The following LATS2 variants were observed in gnomAD, a reference collection of about 807,000 sequenced individuals.
LATS2 encodes large tumor suppressor kinase 2.
A neutral mutation model predicts 76.0 loss-of-function variants in LATS2; 24 were observed. The observed-to-expected ratio is 0.32, with a 90% confidence interval of 0.23 to 0.44. The LOEUF (loss-of-function observed/expected upper bound fraction) is 0.44. LATS2 is among the 20% of genes least tolerant of loss of function. The pLI, the probability that LATS2 is intolerant of heterozygous loss-of-function variation, is 1.00. For missense variants in LATS2, 1,286 were observed against 1,481.2 expected (o/e 0.87, Z 2.16); for synonymous variants, 692 against 635.4 (o/e 1.09, Z -1.34).
intron 2 of LATS2, chr13:21,022,959 G>C (rs1234774435): frequency 2.6e-5 from 4 of 152,214 alleles, no homozygotes; most frequent in Non-Finnish European, 5.9e-5. Context: ...CCAGCTGGAC[G>C]CTTGGGCAAG....
At chr13:21,025,316 C>T (rs962656398) in intron 2 of LATS2, among the ~76,000 whole-genome samples, 13 of 148,550 alleles carry the variant, frequency 8.8e-5, no homozygotes, top group Admixed American at 8.2e-4. Flanking sequence ...CGCTTGAACC[C>T]GGGAGGCAGA....
chr13:20,990,497 C>T (rs1010457996), intron 3 of LATS2, among the ~76,000 whole-genome samples: 1 of 81,200 alleles, frequency 1.2e-5, no homozygotes, highest in African/African-American at 4.8e-5. Flanking sequence ...TAAATACAGA[C>T]GAGGTCTCCC....
chr13:21,059,133 A>G (rs1873542249), intron 1 of LATS2, among the ~76,000 whole-genome samples: 1 of 152,210 alleles, frequency 6.6e-6, no homozygotes, highest in Admixed American at 6.5e-5. Flanking sequence ...AAATTTCAGT[A>G]TATTTGTTTC....
intron 2 of LATS2, among the ~76,000 whole-genome samples, chr13:21,025,238 A>G (rs1317314969): frequency 1.3e-5 from 2 of 151,556 alleles, no homozygotes; most frequent in African/African-American, 4.8e-5. Context: ...AAAAAAATAC[A>G]AAAATTAGAC....
chr13:21,012,755 C>T (rs1426030970), intron 2 of LATS2, among the ~76,000 whole-genome samples: 1 of 151,034 alleles, frequency 6.6e-6, no homozygotes, highest in Non-Finnish European at 1.5e-5. Flanking sequence ...GGGAGCTGTG[C>T]GAGAAGCTGT....
At chr13:21,007,588 G>T (rs1334131447) in intron 2 of LATS2, among the ~76,000 whole-genome samples, 20 of 3,812 alleles carry the variant, frequency 5.2e-3, no homozygotes, top group Non-Finnish European at 5.6e-3. Context: ...TATATATATA[G>T]TATATATATA....
chr13:20,988,018 C>T lies in LATS2; in HGVS notation c.1762G>A (p.Glu588Lys). The change falls in exon 4 of 8, where the codon GAG becomes AAG. Residue 588 changes from glutamate (E) to lysine (K), a missense_variant. Glu to Lys is a moderately conservative substitution (Grantham distance 56). Transcript: ENST00000382592. ...CTCTTGATGCGTGACTCTCTCTTCT[C>T]TTCGTCTCTGCTGTTTTTGCGGACG... is the stretch of plus-strand genomic sequence containing the variant. Reference protein sequence around the residue: ...VPVRKNSRDEEKRESRIKSYS... With the variant: ...VPVRKNSRDEKKRESRIKSYS... The T allele has an allele frequency of 1.9e-6, 3 of 1,614,266 alleles. No homozygotes were observed. The highest frequency in any genetic ancestry group is 2.5e-6 in the Non-Finnish European group (3 of 1,180,048).
chr13:21,053,086 T>C (rs1873331661), intron 1 of LATS2, among the ~76,000 whole-genome samples: 1 of 151,674 alleles, frequency 6.6e-6, no homozygotes, highest in Non-Finnish European at 1.5e-5. Context: ...TATACAAAAA[T>C]TAGCTGGGTG....
At chr13:20,987,177 A>G (rs1179029546) in intron 4 of LATS2, among the ~76,000 whole-genome samples, 1 of 152,192 alleles carries the variant, frequency 6.6e-6, no homozygotes, top group Non-Finnish European at 1.5e-5. Context: ...CCTGGGTGAC[A>G]GAGCAAGACT....
chr13:21,046,558 C>T (rs1331067255), intron 1 of LATS2, among the ~76,000 whole-genome samples: 1 of 152,138 alleles, frequency 6.6e-6, no homozygotes, highest in Non-Finnish European at 1.5e-5. Context: ...TTTTGAAACC[C>T]ACAGCTTGAG....
chr13:21,027,405 G>A (rs1872348721), intron 2 of LATS2, among the ~76,000 whole-genome samples: 1 of 152,168 alleles, frequency 6.6e-6, no homozygotes, highest in Non-Finnish European at 1.5e-5. Context: ...CAGAGTAAAT[G>A]TTAATTTTGA....
At chr13:20,999,234 C>T (rs1240770233) in intron 2 of LATS2, among the ~76,000 whole-genome samples, 1 of 152,246 alleles carries the variant, frequency 6.6e-6, no homozygotes, top group Non-Finnish European at 1.5e-5. Flanking sequence ...AAGCTCCAGC[C>T]CCAGCCGTGG....
Position 20,974,044 on chromosome 13 carries a change from CTTT to C in LATS2, c.*823_*825del. 1 of 214,834 alleles carries C rather than the reference CTTT, an allele frequency of 4.7e-6. No individual in the cohort carries two copies. The highest frequency in any genetic ancestry group is 1.9e-4 in the South Asian group (1 of 5,134). The allele number at this position is 214,834 out of a possible 1,614,324, so 13.3% of individuals were successfully genotyped here. On this transcript the variant is annotated 3_prime_UTR_variant, in exon 8 of 8. Coordinates refer to ENST00000382592, the MANE Select transcript of LATS2 (RefSeq NM_014572.3). ...ACTTCTCAGTTACACATCTGCATTTCTTTAACAAAACAGTAAGAGATACAATCA... is the reference window on the plus strand; with the variant it reads ...ACTTCTCAGTTACACATCTGCATTTCAACAAAACAGTAAGAGATACAATCA...
chr13:21,056,291 G>C (rs937980574), intron 1 of LATS2, among the ~76,000 whole-genome samples: 1 of 151,828 alleles, frequency 6.6e-6, no homozygotes, highest in African/African-American at 2.4e-5. Context: ...CCCCCGCCTC[G>C]GCCTCCCAAA....
intron 2 of LATS2, among the ~76,000 whole-genome samples, chr13:20,998,841 C>T (rs1364323013): frequency 6.6e-6 from 1 of 151,438 alleles, no homozygotes; most frequent in Non-Finnish European, 1.5e-5. Context: ...TTGTGCACGC[C>T]GGGTGGGGGC....
In LATS2 at chr13:20,994,625, T is replaced by G. The variant is rs561081053; in HGVS notation, c.343-3221A>C. Among the ~76,000 whole-genome samples the G allele has an allele frequency of 2.0e-5, 3 of 152,292 alleles. No individual in the cohort carries two copies. In the East Asian group the frequency reaches 5.8e-4, roughly 29 times the overall value. On this transcript the variant is annotated intron_variant, in intron 2 of 7. Transcript: ENST00000382592. Reference sequence around the variant, plus strand: ...TGTATGGAGACCAAGCTGGATGTGGTGGCTCATGCCTATAATCCCAACACT... The same window carrying G: ...TGTATGGAGACCAAGCTGGATGTGGGGGCTCATGCCTATAATCCCAACACT...
chr13:21,019,161 T>C (rs1871932880), intron 2 of LATS2, among the ~76,000 whole-genome samples: 1 of 152,148 alleles, frequency 6.6e-6, no homozygotes, highest in African/African-American at 2.4e-5. Flanking sequence ...TTAATACATC[T>C]TAAGCACGTA....
intron 2 of LATS2, among the ~76,000 whole-genome samples, chr13:21,009,152 G>A (rs1871473426): frequency 6.6e-6 from 1 of 152,212 alleles, no homozygotes; most frequent in Non-Finnish European, 1.5e-5. Flanking sequence ...GTCACGTGTG[G>A]TGAGTGATGA....
At chr13:20,998,469 C>T (rs1212059789) in intron 2 of LATS2, among the ~76,000 whole-genome samples, 1 of 152,188 alleles carries the variant, frequency 6.6e-6, no homozygotes, top group Non-Finnish European at 1.5e-5. Flanking sequence ...CTGTCTCTGG[C>T]GGGATCCTGT....
Sources: gnomAD v4.1 joint callset for allele counts (sites outside exome capture counted in the v4.1 genomes callset) on GRCh38, gnomAD v4.1.1 for gene constraint, MANE v1.5 for transcripts, NCBI Gene and HGNC (gene_info 2026-07-23, HGNC 2026-07-21) for gene names.